GTPBP10: variants seen among roughly 807,000 people sequenced by gnomAD.
GTPBP10 encodes GTP binding protein 10, also known as GTP-binding protein 10.
A neutral mutation model predicts 44.8 loss-of-function variants in GTPBP10; 38 were observed. The ratio of observed to expected loss-of-function variants is 0.85; its 90% CI spans 0.65 to 1.11. The LOEUF is 1.11. GTPBP10 is among the 50% of genes most tolerant of loss of function. GTPBP10 has a pLI of 0.00. For missense variants in GTPBP10, 462 were observed against 453.7 expected, an observed-to-expected ratio of 1.02 and a Z score of -0.17; for synonymous variants, 152 against 150.6, an observed-to-expected ratio of 1.01 and a Z score of -0.07.
intron 4 of GTPBP10, among the ~76,000 whole-genome samples, chr7:90,369,929 C>G (rs1757540909): frequency 6.6e-6 from 1 of 151,932 alleles, no homozygotes; most frequent in African/African-American, 2.4e-5. Context: ...TAGACCAGAG[C>G]TGTTCCTATT....
chr7:90,374,188 A>C (rs1796305646), intron 5 of GTPBP10, 114 bp from the exon 6 acceptor site: 2 of 780,430 alleles, frequency 2.6e-6, no homozygotes, highest in Non-Finnish European at 4.4e-6. Context: ...CATTTTAGCA[A>C]ATTAGAACAA....
At position 90,352,799 on chromosome 7, in the gene GTPBP10, T is replaced by C; in HGVS notation, c.34-17T>C. 6 of 1,574,468 alleles carry C rather than the reference T, an allele frequency of 3.8e-6. No homozygotes were observed. The highest frequency in any genetic ancestry group is 5.2e-6 in the Non-Finnish European group (6 of 1,160,486). On this transcript the variant is annotated splice_polypyrimidine_tract_variant and intron_variant, in intron 1 of 9. Transcript: ENST00000222511. ...ACACTTTTGGTATACAAATATTCTT[T>C]CTCTTTTTTTTTTAAGTATGGAAAT...
intron 8 of GTPBP10, among the ~76,000 whole-genome samples, chr7:90,380,887 A>AT (rs1405470620): frequency 2.0e-5 from 3 of 151,204 alleles, no homozygotes; most frequent in South Asian, 4.2e-4. Flanking sequence ...ATTATGCAGT[A>AT]TTTTTTTTTC....
At chr7:90,360,503 C>T (rs1177250214) in intron 4 of GTPBP10, among the ~76,000 whole-genome samples, 1 of 152,150 alleles carries the variant, frequency 6.6e-6, no homozygotes, top group East Asian at 1.9e-4. Context: ...GTCTATATCT[C>T]TGTTTTGGTA....
chr7:90,368,262 C>G (rs889560818), intron 4 of GTPBP10, among the ~76,000 whole-genome samples: 1 of 152,000 alleles, frequency 6.6e-6, no homozygotes, highest in Non-Finnish European at 1.5e-5. Flanking sequence ...ATGTGTCTTG[C>G]GGTTGCTCTT....
At chr7:90,380,312 C>T (rs780058160) in intron 8 of GTPBP10, among the ~76,000 whole-genome samples, 18 of 152,102 alleles carry the variant, frequency 1.2e-4, no homozygotes, top group Non-Finnish European at 2.2e-4. Context: ...CTCCTGACCT[C>T]AGGTGATCCG....
rs150500382 is a variant in GTPBP10 at position 90,363,601 on chromosome 7, C to T, written c.464+8371C>T. Among the ~76,000 whole-genome samples the T allele has an allele frequency of 5.3e-3, 801 of 152,262 alleles. 12 individuals carry two copies. Among genetic ancestry groups the T allele is most frequent in the African/African-American group, 0.018 (757 of 41,562 alleles). On this transcript the variant is annotated intron_variant, in intron 4 of 9. Transcript: ENST00000222511. ...TTCATTTCAACTTTGGTGAATCTGA[C>T]AATTATGTGTCTTTGAGTTGCTCTT...
intron 4 of GTPBP10, 82 bp downstream of exon 4, chr7:90,355,312 G>T: frequency 1.1e-6 from 1 of 898,962 alleles, no homozygotes; most frequent in Admixed American, 2.9e-5. Context: ...GGTAATTTGG[G>T]GCCATAATTA....
At position 90,389,067 on chromosome 7, in the gene GTPBP10, A is replaced by G. The variant is rs1191204579; in HGVS notation, c.*3913A>G. 1 of 152,254 alleles carries G rather than the reference A, an allele frequency of 6.6e-6. No homozygotes were observed. Among genetic ancestry groups the G allele is most frequent in the Non-Finnish European group, 1.5e-5 (1 of 68,040 alleles). 9.4% of individuals were successfully genotyped at this position (152,254 alleles called of 1,614,324 possible). The stretch of plus-strand genomic sequence containing the variant: ...CAAAAATAGGGCAACATTTTGTTTT[A>G]AAGACCAAATAGTGAATTGAATTTA... On this transcript the variant is annotated 3_prime_UTR_variant, in exon 10 of 10. Coordinates refer to ENST00000222511, the MANE Select transcript of GTPBP10 (RefSeq NM_033107.4).
intron 8 of GTPBP10, among the ~76,000 whole-genome samples, chr7:90,378,765 A>C (rs1328913516): frequency 6.6e-6 from 1 of 152,040 alleles, no homozygotes; most frequent in Non-Finnish European, 1.5e-5. Context: ...GCTGTAGTGC[A>C]GTGGCATGAT....
intron 8 of GTPBP10, among the ~76,000 whole-genome samples, chr7:90,382,713 C>G (rs943070368): frequency 3.3e-5 from 5 of 152,102 alleles, no homozygotes; most frequent in African/African-American, 1.2e-4. Context: ...TCCAGATACC[C>G]ATATTTGACT....
At chr7:90,349,424 G>A (rs536792463) in intron 1 of GTPBP10, among the ~76,000 whole-genome samples, 136 of 152,264 alleles carry the variant, frequency 8.9e-4, no homozygotes, top group African/African-American at 2.9e-3. Context: ...GGGTAGCGGG[G>A]AGGTGGGGCA....
chr7:90,386,913 C>G lies in GTPBP10; in HGVS notation c.*1759C>G, dbSNP rs940793260. 7 of 152,200 alleles carry G rather than the reference C, an allele frequency of 4.6e-5. No homozygotes were observed. The highest frequency in any genetic ancestry group is 1.7e-4 in the African/African-American group (7 of 41,512). The allele number at this position is 152,200 out of a possible 1,614,324, so 9.4% of individuals were successfully genotyped here. A position where few individuals can be genotyped will look rare whatever the true frequency, so the allele number is the denominator to read the frequency against. ...TTCTGCATTAGGCCCCTCAGTTCTT[C>G]CCAGGGAAAATGATTAATAGTTTAC... On this transcript the variant is annotated 3_prime_UTR_variant, in exon 10 of 10. Coordinates refer to ENST00000222511, the MANE Select transcript of GTPBP10 (RefSeq NM_033107.4).
chr7:90,374,976 G>T (rs775400839), intron 6 of GTPBP10, among the ~76,000 whole-genome samples: 6 of 152,162 alleles, frequency 3.9e-5, no homozygotes, highest in Non-Finnish European at 8.8e-5. Context: ...CCTTGGCCAA[G>T]ATATCTTTCA....
intron 1 of GTPBP10, among the ~76,000 whole-genome samples, chr7:90,351,252 G>A (rs17866943): frequency 0.017 from 2,602 of 152,088 alleles, 70 homozygotes; most frequent in African/African-American, 0.058. Flanking sequence ...ATCTGTAAGT[G>A]TGTGTGTAAG....
chr7:90,379,241 T>C (rs992953669), intron 8 of GTPBP10, among the ~76,000 whole-genome samples: 9 of 152,204 alleles, frequency 5.9e-5, no homozygotes, highest in African/African-American at 2.2e-4. Context: ...TACGCTGTTA[T>C]AATCATCAGC....
intron 4 of GTPBP10, among the ~76,000 whole-genome samples, chr7:90,363,494 C>T (rs915955511): frequency 1.9e-4 from 29 of 152,252 alleles, no homozygotes; most frequent in Non-Finnish European, 3.4e-4. Flanking sequence ...GAGTTTCTGC[C>T]GAGAGATCAG....
At chr7:90,365,218 G>A (rs368028824) in intron 4 of GTPBP10, among the ~76,000 whole-genome samples, 8 of 152,080 alleles carry the variant, frequency 5.3e-5, no homozygotes, top group East Asian at 1.9e-4. Flanking sequence ...CTTCTGCATC[G>A]CTCGCACTGG....
At chr7:90,371,627 G>A (rs542170927) in intron 4 of GTPBP10, among the ~76,000 whole-genome samples, 76 of 152,116 alleles carry the variant, frequency 5.0e-4, no homozygotes, top group Non-Finnish European at 8.1e-4. Context: ...GAGACACACC[G>A]GGTATTTGTA....
Sources: gnomAD v4.1 joint callset for allele counts (sites outside exome capture counted in the v4.1 genomes callset) on GRCh38, gnomAD v4.1.1 for gene constraint, MANE v1.5 for transcripts, NCBI Gene and HGNC (gene_info 2026-07-23, HGNC 2026-07-21) for gene names.